The following RIT2 variants were observed in gnomAD, a reference collection of about 807,000 sequenced individuals.
RIT2 encodes GTP-binding protein Rit2.
In RIT2, 24 loss-of-function variants were observed where a neutral mutation model predicts 23.7. The ratio of observed to expected loss-of-function variants is 1.01; its 90% CI spans 0.73 to 1.43. The LOEUF is 1.43. Among genes scored for constraint, RIT2 ranks in the 40% most tolerant of loss-of-function variants. RIT2 has a pLI of 0.00. For synonymous variants in RIT2, 107 were observed against 91.1 expected, an observed-to-expected ratio of 1.17 and a Z score of -0.99; for missense variants, 236 against 266.9, an observed-to-expected ratio of 0.88 and a Z score of 0.81.
chr18:42,826,268 G>A (rs78616629), intron 4 of RIT2, among the ~76,000 whole-genome samples: 16,328 of 152,074 alleles, frequency 0.11, 990 homozygotes, highest in Middle Eastern at 0.24. Flanking sequence ...GCTGAAGCAG[G>A]TAGATGTTAA....
At chr18:43,088,466 T>C (rs927114891) in intron 1 of RIT2, among the ~76,000 whole-genome samples, 1 of 152,194 alleles carries the variant, frequency 6.6e-6, no homozygotes, top group Non-Finnish European at 1.5e-5. Context: ...TGGATACCTC[T>C]ATTGCATAAA....
At chr18:42,764,489 C>T (rs1036145895) in intron 4 of RIT2, among the ~76,000 whole-genome samples, 16 of 152,252 alleles carry the variant, frequency 1.1e-4, no homozygotes, top group Admixed American at 9.8e-4. Context: ...TGTATTATTA[C>T]CTCTACCTAG....
At chr18:43,057,797 A>ATTTTTTTTTTTTTTTTTTTT (rs1306990856) in intron 1 of RIT2, among the ~76,000 whole-genome samples, 8 of 85,006 alleles carry the variant, frequency 9.4e-5, no homozygotes, top group Non-Finnish European at 1.6e-4. Flanking sequence ...AGTGATGGAC[A>ATTTTTTTTTTTTTTTTTTTT]CTTTTTTTTT....
intron 3 of RIT2, among the ~76,000 whole-genome samples, chr18:42,952,948 T>G (rs1475203416): frequency 1.3e-5 from 2 of 149,716 alleles, no homozygotes; most frequent in African/African-American, 4.9e-5. Context: ...CCTGAGGTGT[T>G]TTTTTTTTTC....
In RIT2 at chr18:43,024,328, T is replaced by C. The variant is rs58835798; in HGVS notation, c.160+9483A>G. Among the ~76,000 whole-genome samples the C allele has an allele frequency of 2.5e-3, 381 of 152,192 alleles. 1 individual carries two copies. Among genetic ancestry groups the C allele is most frequent in the African/African-American group, 8.6e-3 (358 of 41,546 alleles). The stretch of plus-strand genomic sequence containing the variant: ...GAGAAAGGACACCTTATTCAATAAA[T>C]GGTGCTGAAAAAACTGGATTGTCAT... On this transcript the variant is annotated intron_variant, in intron 2 of 4. Transcript: ENST00000326695.
rs141368250 is a variant in RIT2 at position 43,081,294 on chromosome 18, G to C, written c.103+34123C>G. On this transcript the variant is annotated intron_variant, in intron 1 of 4. Coordinates refer to ENST00000326695, the MANE Select transcript of RIT2 (RefSeq NM_002930.4). ...TACAACACTTTATAATTTATCTACT[G>C]CTCTTGTAAGGAGCTAACATCATTT... 6.1e-3 allele frequency among the ~76,000 whole-genome samples: 922 copies of C among 152,192 alleles called. 11 individuals carry two copies. The highest frequency in any genetic ancestry group is 0.021 in the African/African-American group (873 of 41,528).
intron 4 of RIT2, among the ~76,000 whole-genome samples, chr18:42,744,078 G>T (rs183404634): frequency 3.9e-5 from 6 of 152,180 alleles, no homozygotes; most frequent in Admixed American, 6.6e-5. Context: ...GGCTCAAAAA[G>T]CTCCCCCACT....
intron 2 of RIT2, among the ~76,000 whole-genome samples, chr18:42,996,609 C>T (rs977212223): frequency 6.6e-6 from 1 of 151,102 alleles, no homozygotes; most frequent in Non-Finnish European, 1.5e-5. Flanking sequence ...CACCTTGTGA[C>T]CCCCCACTCC....
At chr18:43,112,161 C>T (rs1383070271) in intron 1 of RIT2, among the ~76,000 whole-genome samples, 3 of 152,080 alleles carry the variant, frequency 2.0e-5, no homozygotes, top group African/African-American at 2.4e-5. Context: ...GATCTGTTTT[C>T]TTCTTACTAG....
chr18:42,987,924 A>T (rs1273125709), intron 2 of RIT2, among the ~76,000 whole-genome samples: 2 of 152,152 alleles, frequency 1.3e-5, no homozygotes, highest in Non-Finnish European at 2.9e-5. Context: ...AAGAACCATG[A>T]GAGTAGTACC....
At chr18:42,779,665 G>A (rs1177541177) in intron 4 of RIT2, among the ~76,000 whole-genome samples, 3 of 152,066 alleles carry the variant, frequency 2.0e-5, no homozygotes, top group South Asian at 4.1e-4. Context: ...CCTACAGCTC[G>A]CAGTCTGTTC....
At chr18:42,996,049 A>G (rs1910975952) in intron 2 of RIT2, among the ~76,000 whole-genome samples, 1 of 152,136 alleles carries the variant, frequency 6.6e-6, no homozygotes, top group African/African-American at 2.4e-5. Flanking sequence ...GGCACTCTCT[A>G]ATTGGATGTC....
At chr18:42,783,626 A>G (rs1459308226) in intron 4 of RIT2, among the ~76,000 whole-genome samples, 1 of 152,122 alleles carries the variant, frequency 6.6e-6, no homozygotes, top group Non-Finnish European at 1.5e-5. Context: ...TGAGAGCTAC[A>G]TGTGAAATGT....
At chr18:42,839,082 C>T (rs1433557227) in intron 4 of RIT2, among the ~76,000 whole-genome samples, 2 of 152,140 alleles carry the variant, frequency 1.3e-5, no homozygotes, top group Admixed American at 6.5e-5. Context: ...AAAATCTTCC[C>T]TCATCCTAAA....
chr18:42,875,163 C>A (rs1598694516), intron 4 of RIT2, among the ~76,000 whole-genome samples: 1 of 151,948 alleles, frequency 6.6e-6, no homozygotes, highest in Non-Finnish European at 1.5e-5. Context: ...GTTTCTCATC[C>A]CATATTTTCC....
rs559884001 is a variant in RIT2, at chr18:42,974,676, A to G, written c.161-529T>C. Among the ~76,000 whole-genome samples the G allele has an allele frequency of 5.9e-5, 9 of 152,226 alleles. 1 individual carries two copies. Among genetic ancestry groups the G allele is most frequent in the East Asian group, 1.9e-4 (1 of 5,182 alleles). ...TGATCTTATATGTAGAACCCTAAAG[A>G]TTACATACATGCAAACCCTAAATGA... On this transcript the variant is annotated intron_variant, in intron 2 of 4. Transcript: ENST00000326695.
chr18:42,985,391 G>A (rs1227434172), intron 2 of RIT2, among the ~76,000 whole-genome samples: 1 of 152,010 alleles, frequency 6.6e-6, no homozygotes, highest in Non-Finnish European at 1.5e-5. Context: ...TTTTGGGGTG[G>A]GAGCAGTGAT....
intron 3 of RIT2, among the ~76,000 whole-genome samples, chr18:42,927,369 G>GGTGTGTGTGT (rs60819423): frequency 6.8e-5 from 10 of 147,942 alleles, no homozygotes; most frequent in African/African-American, 2.2e-4. Flanking sequence ...ATGTGGATGT[G>GGTGTGTGTGT]GTGTGTGTGT....
intron 1 of RIT2, among the ~76,000 whole-genome samples, chr18:43,051,441 TG>T: frequency 6.6e-6 from 1 of 151,496 alleles, no homozygotes; most frequent in East Asian, 1.9e-4. Context: ...TGGTGACCTT[TG>T]CTAAGGGAAC....
Sources: allele counts gnomAD v4.1 joint callset (sites outside exome capture counted in the v4.1 genomes callset), GRCh38; gene constraint gnomAD v4.1.1; transcripts MANE v1.5; gene names NCBI Gene and HGNC (gene_info 2026-07-23, HGNC 2026-07-21).